TRABD2B: variants seen among roughly 807,000 people sequenced by gnomAD.
TRABD2B encodes the protein TraB domain containing 2B.
In TRABD2B, 14 loss-of-function variants were observed where a neutral mutation model predicts 40.1. That is an observed-to-expected ratio of 0.35 (90% CI 0.23 to 0.55). The LOEUF (loss-of-function observed/expected upper bound fraction) is 0.55. Ranked by LOEUF, TRABD2B falls within the 20% of genes least tolerant of loss-of-function variation. The pLI is 0.90. For missense variants in TRABD2B, 541 were observed against 648.6 expected (o/e 0.83, Z 1.80); for synonymous variants, 263 against 277.0 (o/e 0.95, Z 0.50).
intron 2 of TRABD2B, among the ~76,000 whole-genome samples, chr1:47,827,796 T>C (rs1024139148): frequency 1.1e-4 from 17 of 152,070 alleles, no homozygotes; most frequent in South Asian, 6.3e-4. Flanking sequence ...CCCCCCCTTA[T>C]TAAACAGGAG....
intron 2 of TRABD2B, among the ~76,000 whole-genome samples, chr1:47,888,005 T>C (rs1644393649): frequency 6.6e-6 from 1 of 152,190 alleles, no homozygotes; most frequent in African/African-American, 2.4e-5. Flanking sequence ...GGGAGACAAA[T>C]GAATCAAAGG....
intron 4 of TRABD2B, among the ~76,000 whole-genome samples, chr1:47,781,773 C>A (rs975800460): frequency 6.6e-6 from 1 of 152,224 alleles, no homozygotes; most frequent in East Asian, 1.9e-4. Context: ...GGCCTGTGCC[C>A]CAGAACTGTG....
chr1:47,941,718 T>C (rs1645191602), intron 2 of TRABD2B, among the ~76,000 whole-genome samples: 1 of 152,228 alleles, frequency 6.6e-6, no homozygotes, highest in South Asian at 2.1e-4. Flanking sequence ...TCTGTCTCCT[T>C]GGAAGCTGAT....
chr1:47,939,780 A>C (rs1314305699), intron 2 of TRABD2B, among the ~76,000 whole-genome samples: 1 of 152,180 alleles, frequency 6.6e-6, no homozygotes, highest in Non-Finnish European at 1.5e-5. Flanking sequence ...CAAGTCCTTC[A>C]TTCAAACATA....
At chr1:47,902,732 C>T (rs1443035877) in intron 2 of TRABD2B, among the ~76,000 whole-genome samples, 1 of 152,170 alleles carries the variant, frequency 6.6e-6, no homozygotes, top group Non-Finnish European at 1.5e-5. Context: ...AAGCCATCCT[C>T]CCACCTTGGC....
At chr1:47,775,125 G>C (rs780162363) in intron 6 of TRABD2B, 45 bp downstream of exon 6, 4 of 1,232,328 alleles carry the variant, frequency 3.2e-6, no homozygotes, top group Non-Finnish European at 4.0e-6. Flanking sequence ...ACTATCCCGG[G>C]TGCAGACGCC....
chr1:47,833,800 T>G (rs745452964), intron 2 of TRABD2B, among the ~76,000 whole-genome samples: 1 of 152,236 alleles, frequency 6.6e-6, no homozygotes, highest in South Asian at 2.1e-4. Context: ...AACCATTTGG[T>G]GGACTAAGGA....
Position 47,813,585 on chromosome 1 carries a change from C to T in TRABD2B, c.667-11966G>A, listed in dbSNP as rs796896347. Among the ~76,000 whole-genome samples, 25 of 152,258 alleles carry T rather than the reference C, an allele frequency of 1.6e-4. No individual in the cohort carries two copies. The highest frequency in any genetic ancestry group is 6.0e-4 in the African/African-American group (25 of 41,538). On this transcript the variant is annotated intron_variant, in intron 2 of 6. Transcript: ENST00000606738. This position sits in a 1 kb window ranked among gnomAD's most constrained non-coding sequence, Gnocchi z 4.3. Reference sequence around the variant, plus strand: ...GCAGACTCTTCTCTTCTCTTTGCTGCGTCTCAGCTTACCCATCTGCCAAGT... The same window carrying T: ...GCAGACTCTTCTCTTCTCTTTGCTGTGTCTCAGCTTACCCATCTGCCAAGT...
chr1:47,766,881 T>C (rs770567216), intron 6 of TRABD2B, among the ~76,000 whole-genome samples: 8 of 152,206 alleles, frequency 5.3e-5, no homozygotes, highest in Non-Finnish European at 1.0e-4. Context: ...ACAGGTGAGA[T>C]TCTTGGCTCA....
At chr1:47,900,106 TGG>T (rs1342772596) in intron 2 of TRABD2B, among the ~76,000 whole-genome samples, 1 of 152,088 alleles carries the variant, frequency 6.6e-6, no homozygotes, top group African/African-American at 2.4e-5. Context: ...TAAATATACA[TGG>T]AAACCACCTC....
At chr1:47,945,461 CT>C (rs900353235) in intron 2 of TRABD2B, among the ~76,000 whole-genome samples, 4 of 152,052 alleles carry the variant, frequency 2.6e-5, no homozygotes, top group African/African-American at 9.7e-5. Flanking sequence ...ATAAATGCAC[CT>C]TTTTTTGGTG....
chr1:47,826,627 G>A lies in TRABD2B; in HGVS notation c.667-25008C>T, dbSNP rs186857497. 1.1e-4 allele frequency among the ~76,000 whole-genome samples: 17 copies of A among 152,186 alleles called. No homozygotes were observed. In the East Asian group the frequency reaches 3.1e-3, roughly 28 times the overall value. ...TTCACTCTGTTACCCAGGCTGGAGT[G>A]CACTGGCGTGATCATAACTCACTGC... is the stretch of plus-strand genomic sequence containing the variant. On this transcript the variant is annotated intron_variant, in intron 2 of 6. Transcript: ENST00000606738.
At chr1:47,948,592 C>G (rs1645294211) in intron 2 of TRABD2B, among the ~76,000 whole-genome samples, 2 of 152,134 alleles carry the variant, frequency 1.3e-5, no homozygotes, top group Admixed American at 6.5e-5. Flanking sequence ...TTTTCATTTT[C>G]AAGAGAATGA....
intron 2 of TRABD2B, among the ~76,000 whole-genome samples, chr1:47,852,536 C>CATT (rs1449553724): frequency 6.6e-6 from 1 of 152,204 alleles, no homozygotes; most frequent in African/African-American, 2.4e-5. Context: ...CCACCAGGGC[C>CATT]ACCATTGCTG....
At chr1:47,926,037 G>A (rs1488200748) in intron 2 of TRABD2B, among the ~76,000 whole-genome samples, 1 of 152,150 alleles carries the variant, frequency 6.6e-6, no homozygotes, top group African/African-American at 2.4e-5. Context: ...TAAATGTTAT[G>A]CTCTATTTGT....
chr1:47,808,112 G>A (rs938457298), intron 2 of TRABD2B, among the ~76,000 whole-genome samples: 48 of 152,128 alleles, frequency 3.2e-4, no homozygotes, highest in African/African-American at 1.1e-3. Flanking sequence ...TAACGTAGGT[G>A]GGCTTCATCC....
chr1:47,775,532 T>C (rs1183422193), intron 5 of TRABD2B, 93 bp from the exon 6 acceptor site: 11 of 1,202,154 alleles, frequency 9.2e-6, no homozygotes, highest in East Asian at 3.2e-5. Context: ...GAGTTTGTCA[T>C]GGCAGGAGAA....
chr1:47,996,760 G>T lies in TRABD2B; in HGVS notation c.30C>A (p.Leu10=). Residue 10 remains leucine (L), a synonymous_variant, in exon 1 of 7, where the codon CTC becomes CTA. Coordinates refer to ENST00000606738, the MANE Select transcript of TRABD2B (RefSeq NM_001194986.2). The surrounding 1 kb of genome is among the most constrained non-coding windows in gnomAD (Gnocchi z 4.6). ...CGCGAGCGGTGGCGAGGAGGGCGGC[G>T]AGCAGCGGCCCCGCCAGGGCGGCGT... MHAALAGPL[L]AALLATARAR... is the part of the protein sequence containing the mutation. 1 of 1,218,544 alleles carries T rather than the reference G, an allele frequency of 8.2e-7. No individual in the cohort carries two copies. The highest frequency in any genetic ancestry group is 1.0e-6 in the Non-Finnish European group (1 of 978,946). 75.5% of individuals were successfully genotyped at this position (1,218,544 alleles called of 1,614,324 possible).
intron 2 of TRABD2B, among the ~76,000 whole-genome samples, chr1:47,984,187 T>C (rs1187053079): frequency 2.0e-5 from 3 of 152,198 alleles, no homozygotes; most frequent in Non-Finnish European, 4.4e-5. Flanking sequence ...GCCTGTCCTT[T>C]TATCTTTGCA....
Sources: gnomAD v4.1 joint callset for allele counts (sites outside exome capture counted in the v4.1 genomes callset) on GRCh38, gnomAD v4.1.1 for gene constraint, Gnocchi (gnomAD v3.1) non-coding constraint, MANE v1.5 for transcripts, NCBI Gene and HGNC (gene_info 2026-07-23, HGNC 2026-07-21) for gene names.